Variants in EGFR observed in about 807,000 individuals in gnomAD.
EGFR encodes epidermal growth factor receptor.
EGFR carries 58 observed loss-of-function variants against 143.0 expected under a neutral mutation model. The ratio of observed to expected loss-of-function variants is 0.41; its 90% confidence interval spans 0.33 to 0.50. The LOEUF is 0.50. EGFR is among the 20% of genes least tolerant of loss of function. EGFR has a pLI of 0.39. For missense variants in EGFR, 1,307 were observed against 1,579.0 expected (o/e 0.83, Z 2.92); for synonymous variants, 613 against 594.4 (o/e 1.03, Z -0.45).
At chr7:55,144,719 G>A (rs1397073485) in intron 3 of EGFR, among the ~76,000 whole-genome samples, 2 of 152,128 alleles carry the variant, frequency 1.3e-5, no homozygotes, top group Non-Finnish European at 2.9e-5. Context: ...GGTTCCTACA[G>A]TGCGCCTCAC....
At chr7:55,086,388 GAC>G (rs1790762447) in intron 1 of EGFR, among the ~76,000 whole-genome samples, 1 of 152,232 alleles carries the variant, frequency 6.6e-6, no homozygotes, top group Admixed American at 6.5e-5. Flanking sequence ...GCCCTGGAAA[GAC>G]ATATCACTTG....
At position 55,181,605 on chromosome 7, in the gene EGFR, A is replaced by G. The variant is rs1324585619; in HGVS notation, c.2469+127A>G. ...GTGTGCGTGCATGCAGCACACACAC[A>G]TTCCTTTATTTTGGATTCAATCAAG... On this transcript the variant is annotated intron_variant, in intron 20 of 27. Transcript: ENST00000275493. 1.2e-5 allele frequency: 13 copies of G among 1,111,244 alleles called. 1 individual carries two copies. Among genetic ancestry groups the G allele is most frequent in the Non-Finnish European group, 1.6e-5 (12 of 748,276 alleles). 68.8% of individuals were successfully genotyped at this position (1,111,244 alleles called of 1,614,324 possible). A position where few individuals can be genotyped will look rare whatever the true frequency, so the allele number is the denominator to read the frequency against.
At chr7:55,176,827 TAG>T (rs1475044514) in intron 19 of EGFR, among the ~76,000 whole-genome samples, 20 of 66,812 alleles carry the variant, frequency 3.0e-4, no homozygotes, top group African/African-American at 9.4e-4. Flanking sequence ...GATATATATT[TAG>T]AGAGATATAT....
At chr7:55,192,640 G>A (rs1375016759) in intron 21 of EGFR, 126 bp from the exon 22 acceptor site, 2 of 843,638 alleles carry the variant, frequency 2.4e-6, no homozygotes, top group Middle Eastern at 2.3e-4. Flanking sequence ...GGGCCTGGGG[G>A]ACGGGTCCTG....
At chr7:55,170,006 A>G (rs1472265232) in intron 15 of EGFR, among the ~76,000 whole-genome samples, 1 of 152,154 alleles carries the variant, frequency 6.6e-6, no homozygotes, top group African/African-American at 2.4e-5. Context: ...TCTGTCTCAG[A>G]CTGTTTGGTG....
In EGFR at chr7:55,205,287, C is replaced by T. The variant is rs55796214; in HGVS notation, c.3303C>T (p.Pro1101=). ...TAAACCAGTCCGTTCCCAAAAGGCC[C>T]GCTGGCTCTGTGCAGAATCCTGTCT... ...EYINQSVPKR[P]AGSVQNPVYH... Residue 1101 remains proline (P), a synonymous_variant, in exon 28 of 28, where the codon CCC becomes CCT. Coordinates refer to ENST00000275493, the MANE Select transcript of EGFR (RefSeq NM_005228.5). 38 of 1,612,788 alleles carry T rather than the reference C, an allele frequency of 2.4e-5. No individual in the cohort carries two copies. In the Admixed American group the frequency reaches 4.7e-4, roughly 20 times the overall value.
chr7:55,181,541 G>T (rs982130739), intron 20 of EGFR, 63 bp downstream of exon 20: 1 of 1,601,694 alleles, frequency 6.2e-7, no homozygotes, highest in Non-Finnish European at 8.6e-7. Context: ...CATGCGGTCT[G>T]CGCTCCTGGG....
At chr7:55,089,947 T>C (rs780598442) in intron 1 of EGFR, among the ~76,000 whole-genome samples, 3 of 46,908 alleles carry the variant, frequency 6.4e-5, no homozygotes, top group Non-Finnish European at 1.8e-4. Flanking sequence ...TACTTATTTA[T>C]TTATTTATTT....
intron 3 of EGFR, among the ~76,000 whole-genome samples, chr7:55,145,838 C>T (rs567608578): frequency 6.6e-6 from 1 of 152,288 alleles, no homozygotes; most frequent in Non-Finnish European, 1.5e-5. Context: ...ATGTCTGTCC[C>T]CAAGCCTGTC....
At chr7:55,117,355 T>C (rs768846127) in intron 1 of EGFR, among the ~76,000 whole-genome samples, 1 of 151,852 alleles carries the variant, frequency 6.6e-6, no homozygotes, top group Non-Finnish European at 1.5e-5. Flanking sequence ...ATGAAAGACA[T>C]AGCAGTCTAC....
chr7:55,160,792 G>C (rs372978851), intron 12 of EGFR, among the ~76,000 whole-genome samples: 3 of 152,254 alleles, frequency 2.0e-5, no homozygotes, highest in Admixed American at 1.3e-4. Flanking sequence ...CACGGGCAGC[G>C]TCAGCTTTGA....
chr7:55,105,292 G>T (rs1174164555), intron 1 of EGFR, among the ~76,000 whole-genome samples: 2 of 152,218 alleles, frequency 1.3e-5, no homozygotes, highest in Admixed American at 6.5e-5. Context: ...AGTGGGGAAT[G>T]CACAAGTGGA....
At chr7:55,189,496 C>T (rs1337123114) in intron 20 of EGFR, among the ~76,000 whole-genome samples, 3 of 152,206 alleles carry the variant, frequency 2.0e-5, no homozygotes, top group African/African-American at 7.2e-5. Flanking sequence ...CCAAAATCTC[C>T]GCTAAGCATT....
rs121913418 is a variant in EGFR at position 55,174,818 on chromosome 7, G to T, written c.2281G>T (p.Asp761Tyr). Residue 761 changes from aspartate to tyrosine, a missense_variant and splice_region_variant, in exon 19 of 28, where the codon GAT becomes TAT. Transcript: ENST00000275493. ...TSPKANKEIL[D>Y]EAYVMASVDN... ...TCCGAAAGCCAACAAGGAAATCCTC[G>T]ATGTGAGTTTCTGCTTTGCTGTGTG... is the stretch of plus-strand genomic sequence containing the variant. The T allele has an allele frequency of 6.2e-7, 1 of 1,613,446 alleles. No individual in the cohort carries two copies. The highest frequency in any genetic ancestry group is 2.2e-5 in the East Asian group (1 of 44,870).
intron 1 of EGFR, among the ~76,000 whole-genome samples, chr7:55,061,649 TGAGAGAGA>T (rs1174312198): frequency 1.5e-5 from 2 of 132,736 alleles, no homozygotes; most frequent in African/African-American, 3.0e-5. Flanking sequence ...TGTGTGTGTG[TGAGAGAGA>T]GAGAGAGAGA....
At chr7:55,133,417 G>A (rs1193135581) in intron 1 of EGFR, among the ~76,000 whole-genome samples, 1 of 152,194 alleles carries the variant, frequency 6.6e-6, no homozygotes, top group Non-Finnish European at 1.5e-5. Context: ...TAACAAAGAG[G>A]GACGTGAAGT....
rs2128938134 is a variant in EGFR at position 55,156,530 on chromosome 7, C to A, written c.1007-3C>A. ...GGAATACACGTCTCTCTTATCTCTG[C>A]AGTGTGTAACGGAATAGGTATTGGT... is the stretch of plus-strand genomic sequence containing the variant. On this transcript the variant is annotated splice_region_variant and splice_polypyrimidine_tract_variant and intron_variant, in intron 8 of 27. Coordinates refer to ENST00000275493, the MANE Select transcript of EGFR (RefSeq NM_005228.5). The A allele has an allele frequency of 6.2e-7, 1 of 1,614,186 alleles. No individual in the cohort carries two copies. Among genetic ancestry groups the A allele is most frequent in the African/African-American group, 1.3e-5 (1 of 75,040 alleles).
chr7:55,067,014 G>A (rs1175604192), intron 1 of EGFR, among the ~76,000 whole-genome samples: 2 of 152,192 alleles, frequency 1.3e-5, no homozygotes, highest in African/African-American at 2.4e-5. Flanking sequence ...CCACCATGCA[G>A]TGGCTGGCCA....
intron 3 of EGFR, among the ~76,000 whole-genome samples, chr7:55,145,677 T>A (rs1794724310): frequency 6.6e-6 from 1 of 152,220 alleles, no homozygotes; most frequent in South Asian, 2.1e-4. Context: ...GCTTCATGAA[T>A]CAGAGGTCAA....
Sources: allele counts gnomAD v4.1 joint callset (sites outside exome capture counted in the v4.1 genomes callset), GRCh38; gene constraint gnomAD v4.1.1; transcripts MANE v1.5; gene names NCBI Gene and HGNC (gene_info 2026-07-23, HGNC 2026-07-21).